CMSS1: variants seen among roughly 807,000 people sequenced by gnomAD.
The protein encoded by CMSS1 is cms1 ribosomal small subunit homolog.
Under a neutral mutation model 43.5 loss-of-function variants are expected in CMSS1, and 33 were observed. The observed-to-expected ratio is 0.76, with a 90% confidence interval of 0.57 to 1.01. The LOEUF (loss-of-function observed/expected upper bound fraction) is 1.01. Ranked by LOEUF, CMSS1 falls within the 50% of genes least tolerant of loss-of-function variation. The pLI is 0.00. For synonymous variants in CMSS1, 115 were observed against 117.2 expected, an observed-to-expected ratio of 0.98 and a Z score of 0.12; for missense variants, 313 against 326.4, an observed-to-expected ratio of 0.96 and a Z score of 0.32.
intron 1 of CMSS1, among the ~76,000 whole-genome samples, chr3:99,879,889 G>A (rs1414043562): frequency 3.3e-5 from 5 of 152,194 alleles, no homozygotes; most frequent in African/African-American, 1.2e-4. Context: ...TGCATAGGGA[G>A]AGGTATAGTT....
intron 1 of CMSS1, among the ~76,000 whole-genome samples, chr3:100,110,301 A>G (rs2066469041): frequency 6.6e-6 from 1 of 152,124 alleles, no homozygotes; most frequent in South Asian, 2.1e-4. Flanking sequence ...CCTAGTCACA[A>G]CCTGTCAGTT....
chr3:100,125,204 T>C (rs777095822), intron 1 of CMSS1, among the ~76,000 whole-genome samples: 1 of 152,192 alleles, frequency 6.6e-6, no homozygotes, highest in African/African-American at 2.4e-5. Context: ...GTGGTTTTGT[T>C]ATCATGTTAC....
At chr3:99,848,711 A>C in intron 1 of CMSS1, 1 of 1,613,892 alleles carries the variant, frequency 6.2e-7, no homozygotes, top group Non-Finnish European at 8.5e-7. Flanking sequence ...GAACCACAAG[A>C]CTCTGGGGTC....
intron 1 of CMSS1, chr3:99,876,341 G>A: frequency 2.3e-6 from 1 of 437,724 alleles, no homozygotes; most frequent in Non-Finnish European, 3.0e-6. Flanking sequence ...TTCCGGCCGT[G>A]TGAACGGACC....
At chr3:99,950,621 G>C (rs1708147815) in intron 1 of CMSS1, among the ~76,000 whole-genome samples, 1 of 152,162 alleles carries the variant, frequency 6.6e-6, no homozygotes, top group Admixed American at 6.5e-5. Context: ...GCCCATGGCT[G>C]TATGACTATC....
chr3:100,013,269 A>C (rs1402331566), intron 1 of CMSS1, among the ~76,000 whole-genome samples: 1 of 149,216 alleles, frequency 6.7e-6, no homozygotes, highest in Non-Finnish European at 1.5e-5. Context: ...TTTGAGATGG[A>C]GTCTTGCTCT....
In CMSS1 at chr3:100,181,215, TAGAA is replaced by T. The variant is rs1042630687; in HGVS notation, c.*2831_*2834del. ...CCAAACCACATCAGCAGGGTAGTGG[TAGAA>T]AGAGCATCAAGTGAATTTGGCCCTT... On this transcript the variant is annotated 3_prime_UTR_variant, in exon 10 of 10. Transcript: ENST00000421999. 1 of 152,184 alleles carries T rather than the reference TAGAA, an allele frequency of 6.6e-6. No individual in the cohort carries two copies. The highest frequency in any genetic ancestry group is 6.5e-5 in the Admixed American group (1 of 15,278). 9.4% of individuals were successfully genotyped at this position (152,184 alleles called of 1,614,324 possible).
intron 1 of CMSS1, among the ~76,000 whole-genome samples, chr3:99,938,283 T>A (rs1026358556): frequency 1.3e-5 from 2 of 152,268 alleles, no homozygotes; most frequent in Non-Finnish European, 2.9e-5. Flanking sequence ...CACTATTTTT[T>A]AATTTGACAG....
chr3:99,981,625 G>C (rs1428573985), intron 1 of CMSS1, among the ~76,000 whole-genome samples: 1 of 152,122 alleles, frequency 6.6e-6, no homozygotes, highest in Admixed American at 6.6e-5. Flanking sequence ...TCCCCGTTTT[G>C]CAAGTGGAAA....
chr3:100,090,818 C>G (rs2066090650), intron 1 of CMSS1, among the ~76,000 whole-genome samples: 1 of 152,168 alleles, frequency 6.6e-6, no homozygotes, highest in Admixed American at 6.5e-5. Context: ...TGACTGGCCT[C>G]AGGAATATGG....
intron 1 of CMSS1, chr3:99,925,751 T>G (rs1233060125): frequency 1.8e-6 from 1 of 541,388 alleles, no homozygotes. Context: ...CCAAGTGCAC[T>G]TGGTGGAAGT....
chr3:100,029,787 G>T (rs1576654540), intron 1 of CMSS1, among the ~76,000 whole-genome samples: 1 of 152,126 alleles, frequency 6.6e-6, no homozygotes, highest in Admixed American at 6.5e-5. Flanking sequence ...TTGTAGCTGA[G>T]CCTGTCACTA....
intron 1 of CMSS1, among the ~76,000 whole-genome samples, chr3:100,080,149 A>T (rs1451538122): frequency 3.9e-5 from 6 of 152,088 alleles, no homozygotes; most frequent in African/African-American, 7.2e-5. Context: ...AAAATTAAAA[A>T]TTTCTATTTT....
intron 1 of CMSS1, chr3:100,114,063 C>G (rs564228302): frequency 2.0e-5 from 3 of 151,912 alleles, no homozygotes; most frequent in Non-Finnish European, 2.9e-5. Context: ...CGTGCAGGTA[C>G]CGTGCAGGTG....
intron 2 of CMSS1, among the ~76,000 whole-genome samples, chr3:100,148,833 A>G (rs2066877449): frequency 6.6e-6 from 1 of 152,142 alleles, no homozygotes; most frequent in Admixed American, 6.5e-5. Flanking sequence ...TGTTTAATAT[A>G]TAATCATCTT....
At chr3:99,899,557 T>C (rs1028099692) in intron 1 of CMSS1, among the ~76,000 whole-genome samples, 14 of 152,366 alleles carry the variant, frequency 9.2e-5, no homozygotes, top group African/African-American at 3.1e-4. Flanking sequence ...ATTGCTGTTG[T>C]TGCTTTTTTC....
intron 1 of CMSS1, chr3:99,850,690 G>T (rs775142153): frequency 2.5e-6 from 4 of 1,614,138 alleles, no homozygotes; most frequent in South Asian, 2.2e-5. Context: ...CCGGCTGAGT[G>T]CTGCCAGCTT....
rs186782998 is a variant in CMSS1, at chr3:99,957,421, A to G, written c.64+139378A>G. ...ATAGTTGTGATATTTTTGAAATGCT[A>G]ACACAAAATTATGTATCTACACATA... On this transcript the variant is annotated intron_variant, in intron 1 of 9. Coordinates refer to ENST00000421999, the MANE Select transcript of CMSS1 (RefSeq NM_032359.4). Among the ~76,000 whole-genome samples, 6 of 152,324 alleles carry G rather than the reference A, an allele frequency of 3.9e-5. No homozygotes were observed. In the East Asian group the frequency reaches 1.2e-3, roughly 29 times the overall value.
intron 1 of CMSS1, chr3:100,114,983 A>G (rs920167974): frequency 3.3e-6 from 5 of 1,527,562 alleles, no homozygotes; most frequent in Middle Eastern, 1.7e-4. Context: ...CTAGAGCAAC[A>G]TCGGAATGCA....
Sources: gnomAD v4.1 joint callset for allele counts (sites outside exome capture counted in the v4.1 genomes callset) on GRCh38, gnomAD v4.1.1 for gene constraint, MANE v1.5 for transcripts, NCBI Gene and HGNC (gene_info 2026-07-23, HGNC 2026-07-21) for gene names.